Variants in HIBADH observed in about 807,000 individuals in gnomAD.
HIBADH encodes the protein 3-hydroxyisobutyrate dehydrogenase, mitochondrial.
A neutral mutation model predicts 36.1 loss-of-function variants in HIBADH; 25 were observed. That is an observed-to-expected ratio of 0.69 (90% CI 0.50 to 0.97). The LOEUF is 0.97. Ranked by LOEUF, HIBADH falls within the 50% of genes least tolerant of loss-of-function variation. The probability of loss-of-function intolerance (pLI) is 0.00; values close to 1 mark genes in which losing one functional copy is unlikely to be tolerated. For missense variants in HIBADH, 421 were observed against 418.0 expected, an observed-to-expected ratio of 1.01 and a Z score of -0.06; for synonymous variants, 160 against 149.5, an observed-to-expected ratio of 1.07 and a Z score of -0.51.
intron 4 of HIBADH, among the ~76,000 whole-genome samples, chr7:27,593,267 G>A (rs1368361206): frequency 6.6e-6 from 1 of 152,074 alleles, no homozygotes; most frequent in Non-Finnish European, 1.5e-5. Context: ...TCAAACTAGG[G>A]ATGCTCATCC....
intron 2 of HIBADH, among the ~76,000 whole-genome samples, chr7:27,636,290 CAAG>C (rs879605907): frequency 3.1e-4 from 47 of 152,302 alleles, no homozygotes; most frequent in African/African-American, 1.1e-3. Context: ...TATAAAGAAA[CAAG>C]AAGAATGTGA....
chr7:27,637,668 A>G (rs1158062519), intron 2 of HIBADH, among the ~76,000 whole-genome samples: 6 of 152,182 alleles, frequency 3.9e-5, no homozygotes, highest in African/African-American at 1.4e-4. Flanking sequence ...GTGTGCAGAC[A>G]TGACGCTGTA....
intron 4 of HIBADH, among the ~76,000 whole-genome samples, chr7:27,605,389 C>G (rs1785200905): frequency 1.3e-5 from 2 of 150,602 alleles, no homozygotes; most frequent in East Asian, 3.9e-4. Context: ...GTGAAAAGGA[C>G]CAACTTGCAC....
At chr7:27,655,513 C>T (rs1393846967) in intron 1 of HIBADH, among the ~76,000 whole-genome samples, 1 of 152,050 alleles carries the variant, frequency 6.6e-6, no homozygotes, top group Non-Finnish European at 1.5e-5. Flanking sequence ...ATTATTCTTT[C>T]AATACTTTCT....
chr7:27,594,144 GTTTTT>G (rs202051184), intron 4 of HIBADH, among the ~76,000 whole-genome samples: 2 of 55,448 alleles, frequency 3.6e-5, no homozygotes, highest in South Asian at 5.2e-4. Context: ...AGATGTTTTT[GTTTTT>G]TTGTTTTTTT....
chr7:27,604,072 A>G (rs1205112775), intron 4 of HIBADH, among the ~76,000 whole-genome samples: 1 of 152,066 alleles, frequency 6.6e-6, no homozygotes, highest in African/African-American at 2.4e-5. Context: ...GGAGGTTCCC[A>G]TGGCAACACT....
intron 1 of HIBADH, among the ~76,000 whole-genome samples, 196 bp downstream of exon 1, chr7:27,662,502 G>T (rs940031091): frequency 6.6e-6 from 1 of 152,212 alleles, no homozygotes; most frequent in African/African-American, 2.4e-5. Flanking sequence ...GAGAAAGGGA[G>T]GGAAGGCAGA....
At chr7:27,559,781 A>T (rs1304379520) in intron 4 of HIBADH, among the ~76,000 whole-genome samples, 1 of 152,224 alleles carries the variant, frequency 6.6e-6, no homozygotes, top group African/African-American at 2.4e-5. Flanking sequence ...TGGAAATGTG[A>T]TAAGAAAGTA....
chr7:27,549,229 C>T (rs146423347), intron 4 of HIBADH, among the ~76,000 whole-genome samples: 1 of 152,028 alleles, frequency 6.6e-6, no homozygotes, highest in Non-Finnish European at 1.5e-5. Context: ...TAGTTAATAA[C>T]AATGTATTGT....
intron 4 of HIBADH, among the ~76,000 whole-genome samples, chr7:27,546,483 C>T (rs1013885473): frequency 1.3e-5 from 2 of 152,074 alleles, no homozygotes; most frequent in African/African-American, 4.8e-5. Context: ...GGGCATTTTC[C>T]TATTTAGTTA....
intron 4 of HIBADH, among the ~76,000 whole-genome samples, chr7:27,580,643 C>T (rs775289423): frequency 1.3e-5 from 2 of 152,174 alleles, no homozygotes; most frequent in African/African-American, 2.4e-5. Flanking sequence ...GTTCATTTAT[C>T]CATTCACTCA....
intron 1 of HIBADH, among the ~76,000 whole-genome samples, chr7:27,659,155 T>G (rs538101122): frequency 6.6e-6 from 1 of 152,324 alleles, no homozygotes; most frequent in South Asian, 2.1e-4. Flanking sequence ...TGATGCTAAT[T>G]TTTCCATTCT....
At chr7:27,609,263 T>A (rs1785283910) in intron 4 of HIBADH, among the ~76,000 whole-genome samples, 1 of 152,212 alleles carries the variant, frequency 6.6e-6, no homozygotes, top group Non-Finnish European at 1.5e-5. Context: ...CAGTCTTCTT[T>A]GAATGTGTTA....
intron 4 of HIBADH, among the ~76,000 whole-genome samples, chr7:27,575,878 G>T (rs1019099574): frequency 6.6e-6 from 1 of 152,156 alleles, no homozygotes; most frequent in African/African-American, 2.4e-5. Flanking sequence ...CCATCTGCTC[G>T]CAGCAACAGC....
intron 4 of HIBADH, among the ~76,000 whole-genome samples, chr7:27,627,567 T>G (rs1238275044): frequency 6.6e-6 from 1 of 152,180 alleles, no homozygotes; most frequent in Non-Finnish European, 1.5e-5. Context: ...AACACTTTGG[T>G]TTAACTTTAT....
intron 2 of HIBADH, among the ~76,000 whole-genome samples, chr7:27,636,112 G>A (rs183617472): frequency 6.6e-6 from 1 of 152,318 alleles, no homozygotes; most frequent in East Asian, 1.9e-4. Context: ...AGAGCCAAGA[G>A]TAATCTGAAG....
chr7:27,555,463 C>T (rs1583567190), intron 4 of HIBADH, among the ~76,000 whole-genome samples: 1 of 152,026 alleles, frequency 6.6e-6, no homozygotes, highest in Admixed American at 6.6e-5. Context: ...CTCAACTTGT[C>T]AGTTCCAAGT....
chr7:27,574,186 G>GTT (rs1235886848), intron 4 of HIBADH, among the ~76,000 whole-genome samples: 1 of 119,336 alleles, frequency 8.4e-6, no homozygotes, highest in African/African-American at 3.5e-5. Flanking sequence ...GAAATACAGA[G>GTT]TTAGAAAATC....
At chr7:27,553,016 C>T (rs900889149) in intron 4 of HIBADH, among the ~76,000 whole-genome samples, 1 of 152,140 alleles carries the variant, frequency 6.6e-6, no homozygotes, top group Non-Finnish European at 1.5e-5. Context: ...TACCTATATA[C>T]GATTGTGAAA....
Sources: allele counts gnomAD v4.1 joint callset (sites outside exome capture counted in the v4.1 genomes callset), GRCh38; gene constraint gnomAD v4.1.1; transcripts MANE v1.5; gene names NCBI Gene and HGNC (gene_info 2026-07-23, HGNC 2026-07-21).